Variants in TNNI3K observed in about 807,000 individuals in gnomAD.
The protein encoded by TNNI3K is serine/threonine-protein kinase TNNI3K.
A neutral mutation model predicts 114.5 loss-of-function variants in TNNI3K; 140 were observed. The observed-to-expected ratio is 1.22, with a 90% CI of 1.07 to 1.41. The LOEUF (loss-of-function observed/expected upper bound fraction) is 1.41. Among genes scored for constraint, TNNI3K ranks in the 40% most tolerant of loss-of-function variants. The pLI is 0.00. For missense variants in TNNI3K, 1,125 were observed against 1,007.6 expected, an observed-to-expected ratio of 1.12 and a Z score of -1.58; for synonymous variants, 347 against 347.5, an observed-to-expected ratio of 1.00 and a Z score of 0.02.
At chr1:74,516,412 C>A (rs967046975) in intron 23 of TNNI3K, among the ~76,000 whole-genome samples, 3 of 152,080 alleles carry the variant, frequency 2.0e-5, no homozygotes, top group Non-Finnish European at 2.9e-5. Context: ...GTCAGGAAGG[C>A]AATATCAAAT....
chr1:74,342,972 T>G lies in TNNI3K; in HGVS notation c.813T>G (p.Asp271Glu), dbSNP rs753208663. The change falls in exon 8 of 25, where the codon GAT becomes GAG. Residue 271 changes from aspartate (D) to glutamate (E), a missense_variant. Coordinates refer to ENST00000326637, the MANE Select transcript of TNNI3K (RefSeq NM_015978.3). ...VQPHVVNIYG[D>E]TPLHLACYNG... ...CTCATGTTGTTAATATCTATGGAGA[T>G]ACCCCCTTACACCTGTGAGTATTAT... is the stretch of plus-strand genomic sequence containing the variant. 1.9e-6 allele frequency: 3 copies of G among 1,613,934 alleles called. No individual in the cohort carries two copies. The South Asian group carries it at 3.3e-5, about 18-fold the overall frequency.
At chr1:74,306,733 T>G (rs982113099) in intron 5 of TNNI3K, among the ~76,000 whole-genome samples, 11 of 152,288 alleles carry the variant, frequency 7.2e-5, no homozygotes, top group Middle Eastern at 6.8e-3. Flanking sequence ...TATTTTCTTG[T>G]TGGTGGTGAT....
At position 74,473,466 on chromosome 1, in the gene TNNI3K, A is replaced by G. The variant is rs566324308; in HGVS notation, c.2121+9916A>G. ...GTTTTTTATTCCATGAGAAAAAAGG[A>G]AATCTTAACTGCAAAACATCTTAAC... is the stretch of plus-strand genomic sequence containing the variant. On this transcript the variant is annotated intron_variant, in intron 21 of 24. Transcript: ENST00000326637. Among the ~76,000 whole-genome samples the G allele has an allele frequency of 2.0e-5, 3 of 152,264 alleles. No individual in the cohort carries two copies. The East Asian group carries it at 5.8e-4, about 29-fold the overall frequency.
chr1:74,368,264 G>A lies in TNNI3K; in HGVS notation c.1321+300G>A, dbSNP rs554803029. 6.6e-5 allele frequency among the ~76,000 whole-genome samples: 10 copies of A among 151,678 alleles called. No homozygotes were observed. The South Asian group carries it at 2.1e-3, about 32-fold the overall frequency. On this transcript the variant is annotated intron_variant, in intron 13 of 24. Coordinates refer to ENST00000326637, the MANE Select transcript of TNNI3K (RefSeq NM_015978.3). ...ATTATAAATATTAATATTTCTTTAA[G>A]GAGAATTGGGACTAGAAAACATATG...
intron 6 of TNNI3K, among the ~76,000 whole-genome samples, chr1:74,332,138 A>T (rs1383503179): frequency 1.3e-5 from 2 of 152,122 alleles, no homozygotes; most frequent in South Asian, 4.1e-4. Flanking sequence ...AAAGTTTTTA[A>T]CATACTTTTG....
chr1:74,485,848 CAT>C (rs1481551898), intron 21 of TNNI3K, among the ~76,000 whole-genome samples: 2 of 152,150 alleles, frequency 1.3e-5, no homozygotes, highest in African/African-American at 4.8e-5. Flanking sequence ...AGAAAACAGA[CAT>C]GTGTCATACA....
intron 21 of TNNI3K, among the ~76,000 whole-genome samples, chr1:74,477,858 A>G (rs1185086827): frequency 6.6e-6 from 1 of 152,212 alleles, no homozygotes; most frequent in African/African-American, 2.4e-5. Flanking sequence ...CTAACAATCT[A>G]CCTGTGTTGG....
intron 5 of TNNI3K, among the ~76,000 whole-genome samples, chr1:74,289,673 G>T (rs1237467971): frequency 6.6e-6 from 1 of 151,852 alleles, no homozygotes; most frequent in Non-Finnish European, 1.5e-5. Context: ...TCGAAATACT[G>T]CTGTCAAAAT....
intron 5 of TNNI3K, among the ~76,000 whole-genome samples, chr1:74,290,500 T>C (rs1285405925): frequency 6.6e-6 from 1 of 151,744 alleles, no homozygotes; most frequent in Non-Finnish European, 1.5e-5. Flanking sequence ...TGGGTGTTCA[T>C]GCAAAATAAA....
intron 17 of TNNI3K, among the ~76,000 whole-genome samples, chr1:74,411,199 A>G (rs1432790101): frequency 6.6e-6 from 1 of 152,214 alleles, no homozygotes; most frequent in East Asian, 1.9e-4. Flanking sequence ...TCAATAAAAG[A>G]TAATAGTGTG....
chr1:74,257,138 C>A (rs2100862805), intron 4 of TNNI3K, among the ~76,000 whole-genome samples: 1 of 152,252 alleles, frequency 6.6e-6, no homozygotes, highest in South Asian at 2.1e-4. Flanking sequence ...AGTTCACAAA[C>A]CACTTCTCTG....
chr1:74,260,052 AT>A (rs953457489), intron 4 of TNNI3K, among the ~76,000 whole-genome samples: 1 of 152,158 alleles, frequency 6.6e-6, no homozygotes, highest in African/African-American at 2.4e-5. Flanking sequence ...CTGCTTAAAT[AT>A]TTTTTAATTT....
intron 17 of TNNI3K, chr1:74,401,939 A>C (rs886459429): frequency 6.8e-6 from 3 of 441,096 alleles, no homozygotes; most frequent in Non-Finnish European, 1.4e-5. Context: ...GTGTATGCTT[A>C]CTTCTGCCAT....
intron 23 of TNNI3K, among the ~76,000 whole-genome samples, chr1:74,521,576 C>T (rs1020872183): frequency 3.3e-5 from 5 of 151,838 alleles, no homozygotes; most frequent in African/African-American, 1.2e-4. Context: ...GCTACTATTT[C>T]CATAAAGCCT....
chr1:74,274,908 A>G (rs533118459), intron 5 of TNNI3K, among the ~76,000 whole-genome samples: 1 of 152,218 alleles, frequency 6.6e-6, no homozygotes, highest in African/African-American at 2.4e-5. Flanking sequence ...ATCTTATGTA[A>G]TTTATTGAAT....
intron 17 of TNNI3K, among the ~76,000 whole-genome samples, chr1:74,385,247 T>C (rs1335102752): frequency 5.3e-5 from 8 of 152,176 alleles, no homozygotes; most frequent in Non-Finnish European, 1.5e-5. Flanking sequence ...AAGAAAGGAA[T>C]TGATTGCAAG....
intron 17 of TNNI3K, among the ~76,000 whole-genome samples, chr1:74,435,789 G>A (rs1303449500): frequency 2.0e-5 from 3 of 152,008 alleles, no homozygotes; most frequent in Non-Finnish European, 4.4e-5. Context: ...GCCTCAAGGA[G>A]CTGAAAAACT....
At chr1:74,530,268 A>G (rs1325776900) in intron 23 of TNNI3K, among the ~76,000 whole-genome samples, 2 of 152,244 alleles carry the variant, frequency 1.3e-5, no homozygotes, top group African/African-American at 4.8e-5. Context: ...AGATAGGGAT[A>G]TAGCCATAAC....
intron 21 of TNNI3K, chr1:74,464,942 T>A: frequency 8.1e-7 from 1 of 1,235,030 alleles, no homozygotes; most frequent in Non-Finnish European, 1.0e-6. Flanking sequence ...ATCAGTGCCT[T>A]CAATCTCTGC....
Sources: allele counts gnomAD v4.1 joint callset (sites outside exome capture counted in the v4.1 genomes callset), GRCh38; gene constraint gnomAD v4.1.1; transcripts MANE v1.5; gene names NCBI Gene and HGNC (gene_info 2026-07-23, HGNC 2026-07-21).